The following PARL variants were observed in gnomAD, a reference collection of about 807,000 sequenced individuals.
The protein encoded by PARL is presenilin-associated rhomboid-like protein, mitochondrial.
Under a neutral mutation model 51.6 loss-of-function variants are expected in PARL, and 44 were observed. The ratio of observed to expected loss-of-function variants is 0.85; its 90% CI spans 0.67 to 1.10. The LOEUF (loss-of-function observed/expected upper bound fraction) is 1.10, where lower values mean the gene tolerates loss of function less well. Ranked by LOEUF, PARL falls within the 50% of genes least tolerant of loss-of-function variation. PARL has a pLI of 0.00. For missense variants in PARL, 441 were observed against 469.5 expected (o/e 0.94, Z 0.56); for synonymous variants, 172 against 164.0 (o/e 1.05, Z -0.37).
At chr3:183,846,972 T>C (rs1408786297) in intron 4 of PARL, among the ~76,000 whole-genome samples, 1 of 152,174 alleles carries the variant, frequency 6.6e-6, no homozygotes, top group African/African-American at 2.4e-5. Context: ...CATCAAGACA[T>C]GGGTAGCCAG....
intron 4 of PARL, among the ~76,000 whole-genome samples, chr3:183,858,823 C>T (rs925706955): frequency 1.3e-5 from 2 of 151,676 alleles, no homozygotes; most frequent in South Asian, 2.1e-4. Flanking sequence ...CCGCTTGCCC[C>T]ACAAATACCT....
Position 183,883,516 on chromosome 3 carries a change from T to G in PARL, c.125+1206A>C, listed in dbSNP as rs544555184. 8 of 765,752 alleles carry G rather than the reference T, an allele frequency of 1.0e-5. No homozygotes were observed. In the African/African-American group the frequency reaches 1.1e-4, roughly 11 times the overall value. The allele number at this position is 765,752 out of a possible 1,614,324, so 47.4% of individuals were successfully genotyped here. On this transcript the variant is annotated intron_variant, in intron 1 of 9. Coordinates refer to ENST00000317096, the MANE Select transcript of PARL (RefSeq NM_018622.7). ...AACTCCTAACTTCAGGTGATCCACC[T>G]GCCTCAGCCTCCCAAAGTGCTAGGA... is the stretch of plus-strand genomic sequence containing the variant.
intron 3 of PARL, among the ~76,000 whole-genome samples, chr3:183,863,219 A>T (rs1560413394): frequency 6.6e-6 from 1 of 152,124 alleles, no homozygotes; most frequent in Non-Finnish European, 1.5e-5. Context: ...TGTCTACTAA[A>T]TTGCACTTTT....
chr3:183,826,753 G>A (rs1016492733), downstream of PARL: 4 of 985,312 alleles, frequency 4.1e-6, no homozygotes, highest in African/African-American at 7.0e-5. Flanking sequence ...ACACACAGGG[G>A]CCGGGTCAGA....
At chr3:183,853,564 G>A (rs961401217) in intron 4 of PARL, among the ~76,000 whole-genome samples, 6 of 151,744 alleles carry the variant, frequency 4.0e-5, no homozygotes, top group Non-Finnish European at 5.9e-5. Flanking sequence ...AAAAACAAAC[G>A]AAAAAGAATG....
chr3:183,848,946 T>C lies in PARL; in HGVS notation c.512-4620A>G, dbSNP rs535095501. Among the ~76,000 whole-genome samples the C allele has an allele frequency of 4.6e-5, 7 of 152,130 alleles. No homozygotes were observed. In the South Asian group the frequency reaches 6.2e-4, roughly 14 times the overall value. The stretch of plus-strand genomic sequence containing the variant: ...AAAATAGACCTTAAGACAAAATTCA[T>C]TGCTAGAGAAAAAGGAGGATATTAT... On this transcript the variant is annotated intron_variant, in intron 4 of 9. Coordinates refer to ENST00000317096, the MANE Select transcript of PARL (RefSeq NM_018622.7).
intron 4 of PARL, among the ~76,000 whole-genome samples, chr3:183,846,969 ACATGGGTAGC>A (rs1158579686): frequency 6.6e-6 from 1 of 152,228 alleles, no homozygotes; most frequent in Non-Finnish European, 1.5e-5. Context: ...ATACATCAAG[ACATGGGTAGC>A]CAGGAGGATT....
At chr3:183,877,610 C>G (rs888822400) in intron 1 of PARL, among the ~76,000 whole-genome samples, 8 of 152,258 alleles carry the variant, frequency 5.3e-5, no homozygotes, top group Admixed American at 5.2e-4. Context: ...GCTACCCCAA[C>G]CTTCAGTAAC....
rs372256422 is a variant in PARL, at chr3:183,866,605, A to C, written c.462+20T>G. On this transcript the variant is annotated intron_variant, in intron 3 of 9. Transcript: ENST00000317096. The stretch of plus-strand genomic sequence containing the variant: ...AAAACCGTGATTAACTAGAAGAAAG[A>C]AAGCAGTGTTTATCTTTACCTCCTT... The C allele has an allele frequency of 2.6e-4, 413 of 1,605,412 alleles. No homozygotes were observed. Among genetic ancestry groups the C allele is most frequent in the Admixed American group, 3.3e-4 (20 of 59,986 alleles).
chr3:183,846,618 C>T, intron 4 of PARL: 2 of 985,402 alleles, frequency 2.0e-6, no homozygotes, highest in Non-Finnish European at 2.4e-6. Flanking sequence ...AGTACTGGCA[C>T]TGAAACAGAC....
At chr3:183,884,089 C>G (rs1734849671) in intron 1 of PARL, among the ~76,000 whole-genome samples, 1 of 152,192 alleles carries the variant, frequency 6.6e-6, no homozygotes, top group African/African-American at 2.4e-5. Flanking sequence ...TTTCTCTCTT[C>G]TCTCTCAAAT....
intron 1 of PARL, among the ~76,000 whole-genome samples, chr3:183,882,249 A>T (rs868514110): frequency 0.032 from 1,388 of 43,828 alleles, 108 homozygotes; most frequent in East Asian, 0.18. Flanking sequence ...ATATATTTAT[A>T]TATATATATA....
rs1338710974 is a variant in PARL at position 183,867,975 on chromosome 3, C to A, written c.211G>T (p.Gly71Cys). Residue 71 changes from glycine to cysteine, a missense_variant, in exon 2 of 10, where the codon GGT (glycine) becomes TGT (cysteine). Physicochemically the swap from Gly to Cys is radical, Grantham distance 159. Coordinates refer to ENST00000317096, the MANE Select transcript of PARL (RefSeq NM_018622.7). ...AAAGCACTTCTCTTGTATGCTTCAC[C>A]ACTTGTCCCTGGGTCTGATCTTCGA... ...EPRRSDPGTS[G>C]EAYKRSALIP... 2 of 1,613,954 alleles carry A rather than the reference C, an allele frequency of 1.2e-6. No homozygotes were observed. Among genetic ancestry groups the A allele is most frequent in the Non-Finnish European group, 1.7e-6 (2 of 1,179,816 alleles).
chr3:183,881,469 T>C (rs1394212873), intron 1 of PARL, among the ~76,000 whole-genome samples: 3 of 152,212 alleles, frequency 2.0e-5, no homozygotes, highest in African/African-American at 7.2e-5. Context: ...ACAACTTAAA[T>C]ATACAGGTCA....
intron 5 of PARL, chr3:183,843,322 T>C (rs1729560753): frequency 5.1e-6 from 5 of 984,706 alleles, no homozygotes; most frequent in African/African-American, 1.7e-5. Flanking sequence ...AAATAAGCAG[T>C]CTGGGCAACA....
At chr3:183,884,515 A>G (rs1734894344) in intron 1 of PARL, among the ~76,000 whole-genome samples, 1 of 152,148 alleles carries the variant, frequency 6.6e-6, no homozygotes, top group East Asian at 1.9e-4. Context: ...GAAAGGAGAA[A>G]GCGCAGGCTC....
intron 6 of PARL, 37 bp downstream of exon 6, chr3:183,842,261 T>G: frequency 6.3e-7 from 1 of 1,599,662 alleles, no homozygotes; most frequent in Non-Finnish European, 8.6e-7. Context: ...CTTAGAGTGC[T>G]TATACTCTCA....
At chr3:183,882,223 AT>A (rs1464732666) in intron 1 of PARL, among the ~76,000 whole-genome samples, 7,890 of 34,950 alleles carry the variant, frequency 0.23, 945 homozygotes, top group African/African-American at 0.42. Context: ...AAAAAAAAAA[AT>A]ATATATATAT....
At chr3:183,829,177 C>T (rs263003), downstream of PARL, 170,291 of 240,300 alleles carry the variant, frequency 0.71, 61,412 homozygotes, top group East Asian at 0.96. Context: ...GGGATACTCT[C>T]GACTTTTATG....
Sources: allele counts gnomAD v4.1 joint callset (sites outside exome capture counted in the v4.1 genomes callset), GRCh38; gene constraint gnomAD v4.1.1; transcripts MANE v1.5; gene names NCBI Gene and HGNC (gene_info 2026-07-23, HGNC 2026-07-21).